DYNC1I1: variants seen among roughly 807,000 people sequenced by gnomAD.
The protein encoded by DYNC1I1 is cytoplasmic dynein 1 intermediate chain 1.
In DYNC1I1, 43 loss-of-function variants were observed where a neutral mutation model predicts 86.6. The ratio of observed to expected loss-of-function variants is 0.50; its 90% CI spans 0.39 to 0.64. DYNC1I1 has a LOEUF of 0.64. DYNC1I1 is among the 30% of genes least tolerant of loss of function. DYNC1I1 has a pLI of 0.00. For synonymous variants in DYNC1I1, 262 were observed against 283.7 expected (o/e 0.92, Z 0.77); for missense variants, 604 against 788.8 (o/e 0.77, Z 2.81).
chr7:95,971,104 A>G (rs1584212634), intron 6 of DYNC1I1, among the ~76,000 whole-genome samples: 2 of 152,306 alleles, frequency 1.3e-5, no homozygotes, highest in Middle Eastern at 6.8e-3. Context: ...TGGACATGTC[A>G]GGTGTGAGGT....
At chr7:95,828,880 T>A (rs550886792) in intron 5 of DYNC1I1, among the ~76,000 whole-genome samples, 175 of 152,250 alleles carry the variant, frequency 1.1e-3, no homozygotes, top group Non-Finnish European at 1.8e-3. Flanking sequence ...CAGCTGGTCA[T>A]CAAGCTCAGG....
At chr7:95,900,065 A>T (rs1381032478) in intron 6 of DYNC1I1, among the ~76,000 whole-genome samples, 1 of 152,134 alleles carries the variant, frequency 6.6e-6, no homozygotes, top group East Asian at 1.9e-4. Flanking sequence ...AAGGGTCTGC[A>T]TGTGTATTTC....
At chr7:95,895,514 T>C (rs1347611560) in intron 6 of DYNC1I1, among the ~76,000 whole-genome samples, 2 of 152,180 alleles carry the variant, frequency 1.3e-5, no homozygotes, top group Non-Finnish European at 2.9e-5. Flanking sequence ...GTCTCCTGTC[T>C]CCTTTGGAAA....
chr7:95,857,064 A>C (rs998299818), intron 5 of DYNC1I1, among the ~76,000 whole-genome samples: 1 of 152,132 alleles, frequency 6.6e-6, no homozygotes, highest in African/African-American at 2.4e-5. Context: ...ATCCTTACCA[A>C]ATCCTTTGAT....
At chr7:95,865,760 T>C (rs1340099112) in intron 5 of DYNC1I1, among the ~76,000 whole-genome samples, 2 of 152,206 alleles carry the variant, frequency 1.3e-5, no homozygotes, top group African/African-American at 2.4e-5. Flanking sequence ...GGTTGTAGCC[T>C]AGGAGCAATA....
intron 3 of DYNC1I1, among the ~76,000 whole-genome samples, chr7:95,811,883 C>T (rs932288342): frequency 6.6e-6 from 1 of 152,116 alleles, no homozygotes; most frequent in African/African-American, 2.4e-5. Flanking sequence ...GCAATGTGAA[C>T]ACTGGTTAAA....
intron 5 of DYNC1I1, among the ~76,000 whole-genome samples, chr7:95,856,278 G>A (rs922432511): frequency 6.6e-6 from 1 of 152,046 alleles, no homozygotes; most frequent in Non-Finnish European, 1.5e-5. Flanking sequence ...CCCCCTGGAC[G>A]GTCTTCAGGG....
At chr7:96,076,366 A>G (rs1303198706) in intron 15 of DYNC1I1, among the ~76,000 whole-genome samples, 169 bp downstream of exon 15, 3 of 152,148 alleles carry the variant, frequency 2.0e-5, no homozygotes, top group Non-Finnish European at 4.4e-5. Context: ...TGGCAGATGC[A>G]TTGGCCAAAA....
chr7:95,788,611 G>A (rs1266816782), intron 1 of DYNC1I1, among the ~76,000 whole-genome samples: 5 of 152,116 alleles, frequency 3.3e-5, no homozygotes, highest in African/African-American at 9.7e-5. Flanking sequence ...ACACCTTTTC[G>A]CGGCACACAC....
At chr7:96,004,378 T>G (rs886602617) in intron 10 of DYNC1I1, among the ~76,000 whole-genome samples, 5 of 152,200 alleles carry the variant, frequency 3.3e-5, no homozygotes, top group South Asian at 2.1e-4. Flanking sequence ...ATTTTATAAC[T>G]TCACTGTTTT....
At chr7:96,030,684 A>G (rs1388012128) in intron 11 of DYNC1I1, among the ~76,000 whole-genome samples, 2 of 152,096 alleles carry the variant, frequency 1.3e-5, no homozygotes, top group Non-Finnish European at 2.9e-5. Context: ...TCATAACAGT[A>G]TTTGGACCCT....
Position 95,939,725 on chromosome 7 carries a change from C to A in DYNC1I1, c.491-37787C>A, listed in dbSNP as rs552623426. Among the ~76,000 whole-genome samples the A allele has an allele frequency of 2.2e-4, 34 of 152,026 alleles. No homozygotes were observed. In the South Asian group the frequency reaches 4.0e-3, roughly 18 times the overall value. Reference sequence around the variant, plus strand: ...TGAGATGGGTTTCCTGAATACAGCACACTGATGGGTCTTGACTCTTTATCC... The same window carrying A: ...TGAGATGGGTTTCCTGAATACAGCAAACTGATGGGTCTTGACTCTTTATCC... On this transcript the variant is annotated intron_variant, in intron 6 of 16. Coordinates refer to ENST00000447467, the MANE Select transcript of DYNC1I1 (RefSeq NM_001135556.2).
intron 6 of DYNC1I1, among the ~76,000 whole-genome samples, chr7:95,927,223 A>G (rs1022033719): frequency 1.3e-5 from 2 of 152,184 alleles, no homozygotes; most frequent in African/African-American, 4.8e-5. Flanking sequence ...GCAACCATTT[A>G]TACTAGCCCT....
intron 6 of DYNC1I1, among the ~76,000 whole-genome samples, chr7:95,974,455 C>G (rs1448559901): frequency 3.3e-5 from 5 of 152,130 alleles, no homozygotes; most frequent in African/African-American, 9.7e-5. Context: ...GTTATTCTTA[C>G]AACAACGTGT....
chr7:95,984,932 A>C lies in DYNC1I1; in HGVS notation c.698A>C (p.Asp233Ala). ...VIERALAEDS[D>A]IFFDYSGREL... ...GAAAGAGCCCTGGCTGAAGATTCCG[A>C]CATCTTTTTTGACTACAGCGGCCGA... The change falls in exon 8 of 17, where the codon GAC (aspartate) becomes GCC (alanine). Residue 233 changes from aspartate (D) to alanine (A), a missense_variant. Asp to Ala is a moderately radical substitution (Grantham distance 126). Transcript: ENST00000447467. 1.9e-6 allele frequency: 3 copies of C among 1,613,630 alleles called. No homozygotes were observed. Among genetic ancestry groups the C allele is most frequent in the Non-Finnish European group, 2.5e-6 (3 of 1,179,726 alleles).
chr7:95,864,809 A>C (rs1478908708), intron 5 of DYNC1I1, among the ~76,000 whole-genome samples: 1 of 152,116 alleles, frequency 6.6e-6, no homozygotes, highest in Non-Finnish European at 1.5e-5. Flanking sequence ...CTGCCCATTC[A>C]GTGGCACTAA....
intron 16 of DYNC1I1, among the ~76,000 whole-genome samples, chr7:96,090,995 C>T (rs888131843): frequency 1.3e-5 from 2 of 152,148 alleles, no homozygotes; most frequent in African/African-American, 4.8e-5. Context: ...CTTGGTCGTT[C>T]AGTGGCTGTT....
intron 9 of DYNC1I1, among the ~76,000 whole-genome samples, chr7:95,988,859 C>A (rs1035716773): frequency 2.6e-5 from 4 of 152,100 alleles, no homozygotes; most frequent in Non-Finnish European, 5.9e-5. Flanking sequence ...AGGCAGCCAC[C>A]CTTACTATTT....
At chr7:95,819,794 A>G (rs1005024573) in intron 4 of DYNC1I1, among the ~76,000 whole-genome samples, 7 of 152,314 alleles carry the variant, frequency 4.6e-5, no homozygotes, top group Admixed American at 4.6e-4. Flanking sequence ...TAAGATTTAC[A>G]CTATAGGGTT....
Sources: gnomAD v4.1 joint callset for allele counts (sites outside exome capture counted in the v4.1 genomes callset) on GRCh38, gnomAD v4.1.1 for gene constraint, MANE v1.5 for transcripts, NCBI Gene and HGNC (gene_info 2026-07-23, HGNC 2026-07-21) for gene names.